The following PDCD10 variants were observed in gnomAD, a reference collection of about 807,000 sequenced individuals.
PDCD10 encodes the protein programmed cell death protein 10.
Under a neutral mutation model 29.2 loss-of-function variants are expected in PDCD10, and 4 were observed. That is an observed-to-expected ratio of 0.14 (90% confidence interval 0.07 to 0.31). PDCD10 has a LOEUF of 0.31. Among genes scored for constraint, PDCD10 ranks in the 10% least tolerant of loss-of-function variants. PDCD10 has a pLI of 1.00. For missense variants in PDCD10, 183 were observed against 257.9 expected, an observed-to-expected ratio of 0.71 and a Z score of 1.99; for synonymous variants, 70 against 82.2, an observed-to-expected ratio of 0.85 and a Z score of 0.80.
chr3:167,729,022 A>G (rs1724516538), intron 2 of PDCD10, among the ~76,000 whole-genome samples: 2 of 152,222 alleles, frequency 1.3e-5, no homozygotes, highest in African/African-American at 4.8e-5. Context: ...GCAGTATGTG[A>G]TAATTCCATT....
At chr3:167,689,303 C>T (rs923272253) in intron 6 of PDCD10, among the ~76,000 whole-genome samples, 1 of 152,132 alleles carries the variant, frequency 6.6e-6, no homozygotes, top group Non-Finnish European at 1.5e-5. Flanking sequence ...ACAATTTCAA[C>T]AAATAAAACA....
intron 4 of PDCD10, among the ~76,000 whole-genome samples, chr3:167,703,912 G>C (rs1398682231): frequency 6.6e-6 from 1 of 152,076 alleles, no homozygotes; most frequent in Non-Finnish European, 1.5e-5. Context: ...TACTAAGCTA[G>C]TTTACTTTCT....
At chr3:167,690,350 TTTATG>T (rs1312969069) in intron 6 of PDCD10, among the ~76,000 whole-genome samples, 2 of 152,216 alleles carry the variant, frequency 1.3e-5, no homozygotes, top group African/African-American at 2.4e-5. Flanking sequence ...ATCCCTGTGC[TTTATG>T]TTGAGTTTGG....
chr3:167,731,151 C>T (rs949282933), intron 2 of PDCD10, among the ~76,000 whole-genome samples: 5 of 151,982 alleles, frequency 3.3e-5, no homozygotes, highest in African/African-American at 1.2e-4. Flanking sequence ...ATGTCTTCAG[C>T]TATAAAACAG....
At position 167,731,587 on chromosome 3, in the gene PDCD10, A is replaced by G. The variant is rs139496985; in HGVS notation, c.-117+2627T>C. On this transcript the variant is annotated intron_variant, in intron 2 of 8. Coordinates refer to ENST00000392750, the MANE Select transcript of PDCD10 (RefSeq NM_007217.4). ...CAGAGAAGTGCTGGAAGCACTGTGC[A>G]TGAATACACTCCTTCATTCATTCAG... Among the ~76,000 whole-genome samples, 342 of 152,316 alleles carry G rather than the reference A, an allele frequency of 2.2e-3. 3 individuals are homozygous for G. The highest frequency in any genetic ancestry group is 7.9e-3 in the African/African-American group (329 of 41,556).
At position 167,720,152 on chromosome 3, in the gene PDCD10, C is replaced by T. The variant is rs572972046; in HGVS notation, c.6G>A (p.Arg2=). M[R]MTMEEMKNEA... ...CATTCTTCATCTCTTCCATTGTCATCCTCATTCAAAAGCCAACTACAGTTG... is the reference window on the plus strand; with the variant it reads ...CATTCTTCATCTCTTCCATTGTCATTCTCATTCAAAAGCCAACTACAGTTG... The change falls in exon 3 of 9, where the codon AGG becomes AGA. Residue 2 remains arginine, a synonymous_variant. Transcript: ENST00000392750. 1.2e-6 allele frequency: 2 copies of T among 1,610,134 alleles called. No individual in the cohort carries two copies. The highest frequency in any genetic ancestry group is 1.1e-5 in the South Asian group (1 of 90,968).
chr3:167,687,278 G>A lies in PDCD10; in HGVS notation c.513C>T (p.Ser171=). 6.3e-7 allele frequency: 1 copy of A among 1,590,602 alleles called. No homozygotes were observed. The highest frequency in any genetic ancestry group is 8.6e-7 in the Non-Finnish European group (1 of 1,159,170). ...TTTTCAGAGTATCACTGAAACTTTT[G>A]GAGTACTTTACAAATTCTTTCTTTT... ...EHQKKEFVKY[S]KSFSDTLKTY... is the part of the protein sequence containing the mutation. The change falls in exon 8 of 9, where the codon TCC becomes TCT. Residue 171 remains serine, a synonymous_variant. Coordinates refer to ENST00000392750, the MANE Select transcript of PDCD10 (RefSeq NM_007217.4).
intron 5 of PDCD10, among the ~76,000 whole-genome samples, chr3:167,695,973 T>C (rs1720762890): frequency 1.5e-5 from 2 of 136,302 alleles, no homozygotes; most frequent in South Asian, 4.3e-4. Flanking sequence ...GGACATCCCA[T>C]GAAATCTTAA....
chr3:167,707,095 G>A (rs539872295), intron 3 of PDCD10, among the ~76,000 whole-genome samples: 12 of 152,162 alleles, frequency 7.9e-5, no homozygotes, highest in African/African-American at 1.7e-4. Context: ...CATGTACAAC[G>A]TGAAGCAGCT....
Position 167,704,856 on chromosome 3 carries a change from C to T in PDCD10, c.136G>A (p.Ala46Thr), listed in dbSNP as rs1461697561. ...VNLSAAQTLRAAFIKAEKENP... is the reference protein window; with the variant it reads ...VNLSAAQTLRTAFIKAEKENP... ...TTGCACCTCACCTTGATGAAAGCGGCTCTCAGTGTCTGGGCTGCAGACAGA... is the reference window on the plus strand; with the variant it reads ...TTGCACCTCACCTTGATGAAAGCGGTTCTCAGTGTCTGGGCTGCAGACAGA... The change falls in exon 4 of 9, where the codon GCC becomes ACC. Residue 46 changes from alanine (A) to threonine (T), a missense_variant. By Grantham distance (58) the Ala-to-Thr change is moderately conservative. Coordinates refer to ENST00000392750, the MANE Select transcript of PDCD10 (RefSeq NM_007217.4). 1 of 1,606,122 alleles carries T rather than the reference C, an allele frequency of 6.2e-7. No homozygotes were observed. The highest frequency in any genetic ancestry group is 2.2e-5 in the East Asian group (1 of 44,766).
At chr3:167,714,928 A>G (rs1722864973) in intron 3 of PDCD10, among the ~76,000 whole-genome samples, 2 of 152,006 alleles carry the variant, frequency 1.3e-5, no homozygotes, top group South Asian at 4.1e-4. Context: ...CAGAAATAGA[A>G]AAAACAATCC....
intron 8 of PDCD10, among the ~76,000 whole-genome samples, 176 bp from the exon 9 acceptor site, chr3:167,684,565 T>G (rs929670342): frequency 6.6e-6 from 1 of 152,042 alleles, no homozygotes; most frequent in Non-Finnish European, 1.5e-5. Context: ...TTTTAAACTA[T>G]CTAGTAATTA....
chr3:167,705,459 T>C (rs1178740091), intron 3 of PDCD10, among the ~76,000 whole-genome samples: 2 of 152,204 alleles, frequency 1.3e-5, no homozygotes, highest in Non-Finnish European at 2.9e-5. Context: ...TATCATATTA[T>C]GCAATAAAGT....
At chr3:167,719,155 T>C (rs1299522305) in intron 3 of PDCD10, among the ~76,000 whole-genome samples, 5 of 152,150 alleles carry the variant, frequency 3.3e-5, no homozygotes, top group Non-Finnish European at 7.4e-5. Flanking sequence ...GAAAGTATTT[T>C]ACAAAGAGAG....
chr3:167,687,130 TACTAATAATA>T (rs1283958976), intron 8 of PDCD10, 94 bp downstream of exon 8: 2 of 639,256 alleles, frequency 3.1e-6, no homozygotes, highest in Middle Eastern at 4.2e-4. Flanking sequence ...TTGCCTGGAG[TACTAATAATA>T]AAATAAAAGG....
intron 6 of PDCD10, among the ~76,000 whole-genome samples, chr3:167,691,032 T>C (rs1039120635): frequency 6.6e-6 from 1 of 152,216 alleles, no homozygotes; most frequent in Admixed American, 6.5e-5. Flanking sequence ...ATATGACATA[T>C]GCTTATTGAA....
chr3:167,712,111 A>C (rs2108459496), intron 3 of PDCD10, among the ~76,000 whole-genome samples: 1 of 152,284 alleles, frequency 6.6e-6, no homozygotes, highest in Admixed American at 6.5e-5. Context: ...AAACACACAG[A>C]ATATTATAAT....
In PDCD10 at chr3:167,732,385, C is replaced by T. The variant is rs1197920294; in HGVS notation, c.-117+1829G>A. Among the ~76,000 whole-genome samples, 5 of 152,092 alleles carry T rather than the reference C, an allele frequency of 3.3e-5. No individual in the cohort carries two copies. In the South Asian group the frequency reaches 8.3e-4, roughly 25 times the overall value. ...CCCAAGTCCTCTAAGAAATAATGTCCAAAAGCTGACATAAGGCTCCTGCAA... is the reference window on the plus strand; with the variant it reads ...CCCAAGTCCTCTAAGAAATAATGTCTAAAAGCTGACATAAGGCTCCTGCAA... On this transcript the variant is annotated intron_variant, in intron 2 of 8. Transcript: ENST00000392750.
chr3:167,716,651 C>T (rs1323897924), intron 3 of PDCD10, among the ~76,000 whole-genome samples: 1 of 151,614 alleles, frequency 6.6e-6, no homozygotes, highest in Admixed American at 6.6e-5. Flanking sequence ...GTTTCATTTG[C>T]TAACTAGGAA....
Sources: gnomAD v4.1 joint callset for allele counts (sites outside exome capture counted in the v4.1 genomes callset) on GRCh38, gnomAD v4.1.1 for gene constraint, MANE v1.5 for transcripts, NCBI Gene and HGNC (gene_info 2026-07-23, HGNC 2026-07-21) for gene names.